Variants in NCOA2 observed in about 807,000 individuals in gnomAD.
NCOA2 encodes nuclear receptor coactivator 2.
A neutral mutation model predicts 145.1 loss-of-function variants in NCOA2; 21 were observed. The ratio of observed to expected loss-of-function variants is 0.14; its 90% CI spans 0.10 to 0.21. The LOEUF (loss-of-function observed/expected upper bound fraction) is 0.21. Among genes scored for constraint, NCOA2 ranks in the 10% least tolerant of loss-of-function variants. The pLI, the probability that NCOA2 is intolerant of heterozygous loss-of-function variation, is 1.00. For missense variants in NCOA2, 1,472 were observed against 1,837.6 expected (o/e 0.80, Z 3.64); for synonymous variants, 619 against 637.5 (o/e 0.97, Z 0.44).
At chr8:70,295,608 T>C (rs1417777387) in intron 2 of NCOA2, among the ~76,000 whole-genome samples, 1 of 152,188 alleles carries the variant, frequency 6.6e-6, no homozygotes. Context: ...AAGAGCTATA[T>C]ACCTTAAGTT....
At chr8:70,451,644 G>C in the NCOA2 span, among the ~76,000 whole-genome samples, 4 of 151,994 alleles carry the variant, frequency 2.6e-5, no homozygotes, top group Non-Finnish European at 5.9e-5. Flanking sequence ...ATGCAGAAAG[G>C]GTACTTGGTT....
At chr8:70,159,236 A>ATATATACATATATATATATATATATATG (rs1554578478) in intron 10 of NCOA2, among the ~76,000 whole-genome samples, 5 of 16,046 alleles carry the variant, frequency 3.1e-4, no homozygotes, top group Non-Finnish European at 1.1e-3. Context: ...ATATATATAT[A>ATATATACATATATATATATATATATATG]TATATATTTT....
At chr8:70,363,061 G>C (rs1268225049) in intron 1 of NCOA2, among the ~76,000 whole-genome samples, 1 of 122,924 alleles carries the variant, frequency 8.1e-6, no homozygotes, top group African/African-American at 3.1e-5. Flanking sequence ...CTGGTTGACA[G>C]AGTTAAGACT....
At chr8:70,278,121 T>C (rs533491861) in intron 2 of NCOA2, among the ~76,000 whole-genome samples, 21 of 152,338 alleles carry the variant, frequency 1.4e-4, no homozygotes, top group Non-Finnish European at 2.6e-4. Context: ...CTCTACAGCA[T>C]TGCCTATTCT....
the NCOA2 span, among the ~76,000 whole-genome samples, chr8:70,430,025 T>C: frequency 1.6e-4 from 24 of 152,246 alleles, no homozygotes; most frequent in Non-Finnish European, 1.8e-4. Flanking sequence ...GCTAATTTTC[T>C]TATTTCGTGT....
At chr8:70,176,348 A>C (rs757732726) in intron 4 of NCOA2, among the ~76,000 whole-genome samples, 3 of 152,128 alleles carry the variant, frequency 2.0e-5, no homozygotes, top group Non-Finnish European at 4.4e-5. Flanking sequence ...TAGAGATATG[A>C]CTTGTCTGGT....
the NCOA2 span, among the ~76,000 whole-genome samples, chr8:70,448,854 G>A: frequency 6.6e-6 from 1 of 150,968 alleles, no homozygotes; most frequent in South Asian, 2.1e-4. Flanking sequence ...AACCAGGCTG[G>A]AATGCAGTGG....
intron 5 of NCOA2, among the ~76,000 whole-genome samples, chr8:70,171,173 G>T (rs1446044201): frequency 6.6e-6 from 1 of 152,198 alleles, no homozygotes; most frequent in Non-Finnish European, 1.5e-5. Context: ...ACGGAGGTAA[G>T]GGAAGGAGAT....
At chr8:70,320,512 AAGAT>A (rs1383616740) in intron 1 of NCOA2, among the ~76,000 whole-genome samples, 2 of 152,178 alleles carry the variant, frequency 1.3e-5, no homozygotes, top group Non-Finnish European at 2.9e-5. Context: ...TTAAGAGAAA[AAGAT>A]AGTAATTTTT....
At chr8:70,409,222 T>C in the NCOA2 span, among the ~76,000 whole-genome samples, 8 of 152,196 alleles carry the variant, frequency 5.3e-5, no homozygotes, top group Admixed American at 3.3e-4. Flanking sequence ...AAAAATTATA[T>C]GCAAATACAT....
At position 70,113,490 on chromosome 8, in the gene NCOA2, G is replaced by A. The variant is rs1806729483; in HGVS notation, c.*142C>T. On this transcript the variant is annotated 3_prime_UTR_variant, in exon 23 of 23. Transcript: ENST00000452400. ...CACAGCCGAGTGGACGCCACCCTGG[G>A]AACCAGGGCCAGGCCTGTCTGCTCT... 3 of 910,370 alleles carry A rather than the reference G, an allele frequency of 3.3e-6. No individual in the cohort carries two copies. Among genetic ancestry groups the A allele is most frequent in the Non-Finnish European group, 5.1e-6 (3 of 590,792 alleles). The allele number at this position is 910,370 out of a possible 1,614,324, so 56.4% of individuals were successfully genotyped here.
At chr8:70,371,073 G>C (rs1811170876) in intron 1 of NCOA2, among the ~76,000 whole-genome samples, 1 of 152,092 alleles carries the variant, frequency 6.6e-6, no homozygotes, top group African/African-American at 2.4e-5. Context: ...GGATCACGAG[G>C]TCAGGAGATC....
chr8:70,318,522 T>A (rs1394728848), intron 1 of NCOA2, among the ~76,000 whole-genome samples: 2 of 152,106 alleles, frequency 1.3e-5, no homozygotes, highest in Non-Finnish European at 2.9e-5. Flanking sequence ...TCCCAGCACT[T>A]TGGGAGGCAA....
chr8:70,228,773 T>A (rs1820884945), intron 2 of NCOA2, among the ~76,000 whole-genome samples: 1 of 152,202 alleles, frequency 6.6e-6, no homozygotes, highest in African/African-American at 2.4e-5. Context: ...TGAAAGAAAT[T>A]GAGATAATTG....
rs1206959055 is a variant in NCOA2 at position 70,335,150 on chromosome 8, AAAAG to A, written c.-76-38354_-76-38351del. ...AAAAAAAAAAAAAAAAAAAAAAAAA[AAAAG>A]ATCTCTCCCTATGACCATTTTCTCA... On this transcript the variant is annotated intron_variant, in intron 1 of 22. Coordinates refer to ENST00000452400, the MANE Select transcript of NCOA2 (RefSeq NM_006540.4). Among the ~76,000 whole-genome samples the A allele has an allele frequency of 4.4e-3, 650 of 148,358 alleles. 8 individuals are homozygous for A. Among genetic ancestry groups the A allele is most frequent in the Middle Eastern group, 0.024 (7 of 286 alleles).
intron 2 of NCOA2, among the ~76,000 whole-genome samples, chr8:70,233,779 T>C (rs1821355940): frequency 6.6e-6 from 1 of 152,366 alleles, no homozygotes; most frequent in East Asian, 1.9e-4. Flanking sequence ...TGGGATCTTC[T>C]TCCTTTTTGA....
chr8:70,327,893 C>A (rs933163738), intron 1 of NCOA2, among the ~76,000 whole-genome samples: 4 of 152,174 alleles, frequency 2.6e-5, no homozygotes, highest in Non-Finnish European at 5.9e-5. Flanking sequence ...AGCATTTTAA[C>A]GAACCAGCTA....
At chr8:70,217,749 A>C (rs1819762087) in intron 2 of NCOA2, among the ~76,000 whole-genome samples, 1 of 152,192 alleles carries the variant, frequency 6.6e-6, no homozygotes, top group African/African-American at 2.4e-5. Flanking sequence ...AGAGACTTAC[A>C]AAGACTGTGA....
the NCOA2 span, among the ~76,000 whole-genome samples, chr8:70,410,194 A>G: frequency 3.9e-5 from 6 of 152,096 alleles, no homozygotes; most frequent in Non-Finnish European, 8.8e-5. Flanking sequence ...TGAGTGACAG[A>G]GTGAGATTCT....
Sources: gnomAD v4.1 joint callset for allele counts (sites outside exome capture counted in the v4.1 genomes callset) on GRCh38, gnomAD v4.1.1 for gene constraint, MANE v1.5 for transcripts, NCBI Gene and HGNC (gene_info 2026-07-23, HGNC 2026-07-21) for gene names.